The following HERC3 variants were observed in gnomAD, a reference collection of about 807,000 sequenced individuals.
HERC3 encodes the protein HECT and RLD domain containing E3 ubiquitin protein ligase 3.
In HERC3, 58 loss-of-function variants were observed where a neutral mutation model predicts 129.9. The observed-to-expected ratio is 0.45, with a 90% CI of 0.36 to 0.56. HERC3 has a LOEUF of 0.56. Among genes scored for constraint, HERC3 ranks in the 20% least tolerant of loss-of-function variants. The probability of loss-of-function intolerance (pLI) is 0.00; values close to 1 mark genes in which losing one functional copy is unlikely to be tolerated. For synonymous variants in HERC3, 430 were observed against 451.0 expected, an observed-to-expected ratio of 0.95 and a Z score of 0.59; for missense variants, 835 against 1,244.2, an observed-to-expected ratio of 0.67 and a Z score of 4.95.
At chr4:88,580,159 G>T in the HERC3 span, among the ~76,000 whole-genome samples, 1 of 152,240 alleles carries the variant, frequency 6.6e-6, no homozygotes, top group Non-Finnish European at 1.5e-5. Flanking sequence ...AGTGTTTGAT[G>T]ATTGGACGAA....
intron 23 of HERC3, chr4:88,696,328 G>T (rs1453606521): frequency 6.6e-6 from 1 of 152,572 alleles, no homozygotes; most frequent in Non-Finnish European, 1.5e-5. Context: ...GTCACAAGGC[G>T]CAAAGTACAT....
intron 3 of HERC3, among the ~76,000 whole-genome samples, chr4:88,636,161 A>G (rs537356346): frequency 1.2e-4 from 19 of 152,342 alleles, no homozygotes; most frequent in African/African-American, 4.6e-4. Context: ...TTAACCTTAA[A>G]TGTATATAGG....
the HERC3 span, chr4:88,528,140 T>G: frequency 1.3e-5 from 3 of 234,028 alleles, no homozygotes; most frequent in African/African-American, 6.9e-5. Context: ...ACAGCCAGAT[T>G]GATAAAACCA....
At chr4:88,630,776 T>TTCCTC (rs1182763719) in intron 3 of HERC3, among the ~76,000 whole-genome samples, 1 of 152,206 alleles carries the variant, frequency 6.6e-6, no homozygotes, top group African/African-American at 2.4e-5. Context: ...TTTTTAGGAT[T>TTCCTC]TCCTCTGTCA....
At chr4:88,544,915 G>C in the HERC3 span, among the ~76,000 whole-genome samples, 1 of 152,148 alleles carries the variant, frequency 6.6e-6, no homozygotes, top group South Asian at 2.1e-4. Context: ...GTGGGATGCT[G>C]GGGGAGGGAT....
At chr4:88,686,845 T>C (rs1372424033) in intron 22 of HERC3, 43 bp downstream of exon 22, 1 of 1,347,668 alleles carries the variant, frequency 7.4e-7, no homozygotes, top group South Asian at 1.2e-5. Flanking sequence ...GCTGTCTCTC[T>C]TACCATCTTT....
intron 11 of HERC3, 91 bp downstream of exon 11, chr4:88,662,646 T>C: frequency 7.6e-7 from 1 of 1,317,368 alleles, no homozygotes; most frequent in Non-Finnish European, 1.0e-6. Flanking sequence ...ATATTGATAC[T>C]GTGAATGTAA....
intron 3 of HERC3, among the ~76,000 whole-genome samples, chr4:88,646,570 G>A (rs1728711835): frequency 6.6e-6 from 1 of 152,192 alleles, no homozygotes; most frequent in African/African-American, 2.4e-5. Flanking sequence ...GTGGGTTGAG[G>A]TTCCATCATC....
In HERC3 at chr4:88,680,179, C is replaced by T. The variant is rs1434641738; in HGVS notation, c.2283C>T (p.Pro761=). The T allele has an allele frequency of 4.3e-6, 7 of 1,612,452 alleles. No individual in the cohort carries two copies. The highest frequency in any genetic ancestry group is 1.3e-5 in the African/African-American group (1 of 74,840). Residue 761 remains proline, a synonymous_variant, in exon 20 of 26, where the codon CCC becomes CCT. Coordinates refer to ENST00000402738, the MANE Select transcript of HERC3 (RefSeq NM_014606.3). ...TGCTGTTAAAAGAACTTTTGAATCC[C>T]ATCTATGGAATGTTTACCTACTATC... ...FLLLLKELLN[P]IYGMFTYYQD...
chr4:88,683,974 C>T (rs745426922), intron 21 of HERC3, among the ~76,000 whole-genome samples: 4 of 152,006 alleles, frequency 2.6e-5, no homozygotes, highest in East Asian at 1.9e-4. Context: ...TAAGAGACAA[C>T]GCAAACAAAT....
chr4:88,598,404 T>G (rs1186200718), intron 2 of HERC3, among the ~76,000 whole-genome samples: 2 of 152,172 alleles, frequency 1.3e-5, no homozygotes, highest in Non-Finnish European at 2.9e-5. Context: ...CAAATCCCTT[T>G]CATGAAAGTT....
the HERC3 span, among the ~76,000 whole-genome samples, chr4:88,532,370 C>T: frequency 1.3e-5 from 2 of 151,912 alleles, no homozygotes; most frequent in Admixed American, 6.6e-5. Context: ...AGGTCCAGAT[C>T]AGAGCTCAAA....
the HERC3 span, among the ~76,000 whole-genome samples, chr4:88,543,572 T>C: frequency 6.6e-6 from 1 of 152,110 alleles, no homozygotes; most frequent in Non-Finnish European, 1.5e-5. Context: ...TTCACAGAAT[T>C]GGAAAAAACT....
At chr4:88,545,430 CTTT>C in the HERC3 span, among the ~76,000 whole-genome samples, 39 of 110,394 alleles carry the variant, frequency 3.5e-4, no homozygotes, top group Admixed American at 6.6e-4. Context: ...TTTGAGAATT[CTTT>C]TTTTTTTTTT....
chr4:88,561,204 T>C, the HERC3 span, among the ~76,000 whole-genome samples: 6 of 152,192 alleles, frequency 3.9e-5, no homozygotes, highest in African/African-American at 1.4e-4. Context: ...TTTAAGTATT[T>C]TAAGTATTTT....
intron 23 of HERC3, chr4:88,697,552 T>C: frequency 6.2e-7 from 1 of 1,614,114 alleles, no homozygotes; most frequent in Non-Finnish European, 8.5e-7. Flanking sequence ...CTCGATAAAG[T>C]CATTTTTCGG....
At chr4:88,555,175 C>G in the HERC3 span, among the ~76,000 whole-genome samples, 1 of 150,440 alleles carries the variant, frequency 6.6e-6, no homozygotes, top group Non-Finnish European at 1.5e-5. Context: ...CCCAGCTACT[C>G]GGGAGGTTGA....
chr4:88,622,869 C>T (rs955709649), intron 3 of HERC3, among the ~76,000 whole-genome samples: 14 of 152,040 alleles, frequency 9.2e-5, no homozygotes, highest in Non-Finnish European at 1.9e-4. Context: ...GCAGAGATGG[C>T]AGTGAGCTGA....
At chr4:88,681,854 C>A (rs1732816561) in intron 21 of HERC3, among the ~76,000 whole-genome samples, 1 of 152,106 alleles carries the variant, frequency 6.6e-6, no homozygotes, top group African/African-American at 2.4e-5. Flanking sequence ...TTGAAATATA[C>A]AATAGATTAT....
Sources: gnomAD v4.1 joint callset for allele counts (sites outside exome capture counted in the v4.1 genomes callset) on GRCh38, gnomAD v4.1.1 for gene constraint, MANE v1.5 for transcripts, NCBI Gene and HGNC (gene_info 2026-07-23, HGNC 2026-07-21) for gene names.